CNTNAP2: variants seen among roughly 807,000 people sequenced by gnomAD.
CNTNAP2 encodes contactin associated protein 2, also known as contactin-associated protein-like 2.
Under a neutral mutation model 155.2 loss-of-function variants are expected in CNTNAP2, and 98 were observed. The ratio of observed to expected loss-of-function variants is 0.63; its 90% CI spans 0.54 to 0.75. The LOEUF (loss-of-function observed/expected upper bound fraction) is 0.75. Ranked by LOEUF, CNTNAP2 falls within the 30% of genes least tolerant of loss-of-function variation. The pLI is 0.00. For synonymous variants in CNTNAP2, 651 were observed against 631.2 expected (o/e 1.03, Z -0.47); for missense variants, 1,727 against 1,688.1 (o/e 1.02, Z -0.40).
intron 1 of CNTNAP2, among the ~76,000 whole-genome samples, chr7:146,670,225 GAAC>G (rs1800278361): frequency 6.6e-6 from 1 of 152,096 alleles, no homozygotes; most frequent in Non-Finnish European, 1.5e-5. Flanking sequence ...CATCTGCTAA[GAAC>G]ATAGCATTAG....
At chr7:146,720,184 G>T (rs1162221434) in intron 1 of CNTNAP2, among the ~76,000 whole-genome samples, 1 of 152,062 alleles carries the variant, frequency 6.6e-6, no homozygotes, top group East Asian at 1.9e-4. Context: ...GTCCACAAAG[G>T]ACTATGCCTC....
chr7:147,027,803 G>C (rs1798951439), intron 3 of CNTNAP2, among the ~76,000 whole-genome samples: 1 of 152,194 alleles, frequency 6.6e-6, no homozygotes, highest in South Asian at 2.1e-4. Flanking sequence ...TTGTGAATGT[G>C]AGTGAGGAAG....
intron 3 of CNTNAP2, among the ~76,000 whole-genome samples, chr7:146,933,751 A>G: frequency 6.6e-6 from 1 of 151,778 alleles, no homozygotes; most frequent in East Asian, 1.9e-4. Flanking sequence ...AGAAAAAAAA[A>G]CAAACAACCC....
intron 1 of CNTNAP2, among the ~76,000 whole-genome samples, chr7:146,254,019 G>A (rs545105079): frequency 9.9e-5 from 15 of 151,958 alleles, no homozygotes; most frequent in Non-Finnish European, 2.2e-4. Flanking sequence ...CTGTGATCAT[G>A]CCACTGAACT....
chr7:148,302,698 C>T (rs1437301008), intron 21 of CNTNAP2, among the ~76,000 whole-genome samples: 3 of 152,226 alleles, frequency 2.0e-5, no homozygotes, highest in South Asian at 2.1e-4. Flanking sequence ...TCGCTTCTCT[C>T]GCCTGCCTAC....
intron 2 of CNTNAP2, among the ~76,000 whole-genome samples, chr7:146,800,352 G>T (rs1161846507): frequency 1.3e-5 from 2 of 152,290 alleles, no homozygotes; most frequent in Non-Finnish European, 1.5e-5. Flanking sequence ...GGCACTGCGT[G>T]CCAAGCTGCC....
At chr7:148,110,667 AGGAACC>A (rs1804328463) in intron 15 of CNTNAP2, among the ~76,000 whole-genome samples, 2 of 152,178 alleles carry the variant, frequency 1.3e-5, no homozygotes, top group South Asian at 4.1e-4. Flanking sequence ...CAAGAGGCCC[AGGAACC>A]GGAGGCAGGC....
intron 4 of CNTNAP2, among the ~76,000 whole-genome samples, chr7:147,072,102 T>C (rs778515066): frequency 1.2e-4 from 18 of 152,178 alleles, no homozygotes; most frequent in Admixed American, 5.2e-4. Flanking sequence ...GAGGGAGAAC[T>C]TCTCCAGGGA....
At chr7:147,142,818 C>T (rs1445987088) in intron 8 of CNTNAP2, among the ~76,000 whole-genome samples, 1 of 152,110 alleles carries the variant, frequency 6.6e-6, no homozygotes, top group African/African-American at 2.4e-5. Context: ...AAACTATGCT[C>T]CACTGGAGCA....
In CNTNAP2 at chr7:147,884,220, G is replaced by A. The variant is rs78562696; in HGVS notation, c.2099-19345G>A. ...AAGATGGCAGACCGGCTGGAACAGC[G>A]TGAGCAAAAGCCTTGAACAATGAAA... On this transcript the variant is annotated intron_variant, in intron 13 of 23. Transcript: ENST00000361727. 9.9e-3 allele frequency among the ~76,000 whole-genome samples: 1,502 copies of A among 152,274 alleles called. 29 individuals carry two copies. The highest frequency in any genetic ancestry group is 0.034 in the African/African-American group (1,398 of 41,558).
chr7:146,822,870 T>C lies in CNTNAP2; in HGVS notation c.209-16841T>C, dbSNP rs1803317327. Among the ~76,000 whole-genome samples, 4 of 149,596 alleles carry C rather than the reference T, an allele frequency of 2.7e-5. No homozygotes were observed. In the Admixed American group the frequency reaches 2.7e-4, roughly 10 times the overall value. ...TCTTCAGCATATTTAAATGTAAATA[T>C]ACTCATTCTTCAGCATATTTACATG... On this transcript the variant is annotated intron_variant, in intron 2 of 23. Coordinates refer to ENST00000361727, the MANE Select transcript of CNTNAP2 (RefSeq NM_014141.6).
intron 3 of CNTNAP2, among the ~76,000 whole-genome samples, chr7:146,884,247 G>A (rs191795813): frequency 1.8e-4 from 28 of 152,064 alleles, no homozygotes; most frequent in African/African-American, 5.3e-4. Context: ...TGATCCCCAC[G>A]TTTGGTTGAA....
In CNTNAP2 at chr7:146,721,889, A is replaced by ATATTTTTTT; in HGVS notation, c.98-52381_98-52380insATTTTTTTT. On this transcript the variant is annotated intron_variant, in intron 1 of 23. Coordinates refer to ENST00000361727, the MANE Select transcript of CNTNAP2 (RefSeq NM_014141.6). ...TGTGTGTGTGTGTATATATATATATATTTTTTTTTTTTTTTTTGAGATGGA... is the reference window on the plus strand; with the variant it reads ...TGTGTGTGTGTGTATATATATATATATATTTTTTTTTTTTTTTTTTTTTTTTGAGATGGA... Among the ~76,000 whole-genome samples the ATATTTTTTT allele has an allele frequency of 4.3e-5, 3 of 69,736 alleles. 1 individual carries two copies. Among genetic ancestry groups the ATATTTTTTT allele is most frequent in the African/African-American group, 3.8e-4 (2 of 5,258 alleles). 45.7% of individuals were successfully genotyped at this position (69,736 alleles called of 152,430 possible).
chr7:147,011,899 A>T (rs1461977169), intron 3 of CNTNAP2, among the ~76,000 whole-genome samples: 1 of 152,214 alleles, frequency 6.6e-6, no homozygotes, highest in African/African-American at 2.4e-5. Context: ...AAGAATCCAG[A>T]TAAGCCTGGC....
chr7:147,317,350 T>A (rs183116098), intron 9 of CNTNAP2, among the ~76,000 whole-genome samples: 1 of 152,358 alleles, frequency 6.6e-6, no homozygotes, highest in Admixed American at 6.5e-5. Context: ...TACTTATTTA[T>A]TTGTTTAGCA....
intron 3 of CNTNAP2, among the ~76,000 whole-genome samples, chr7:146,939,787 A>G (rs1797007728): frequency 6.6e-6 from 1 of 152,246 alleles, no homozygotes; most frequent in African/African-American, 2.4e-5. Context: ...AGCACCTACA[A>G]AAAAACTAAA....
chr7:146,638,254 G>T (rs911535386), intron 1 of CNTNAP2, among the ~76,000 whole-genome samples: 1 of 152,094 alleles, frequency 6.6e-6, no homozygotes, highest in East Asian at 1.9e-4. Flanking sequence ...AGCATTAGGA[G>T]AAATCCCTGT....
At position 146,733,556 on chromosome 7, in the gene CNTNAP2, C is replaced by T. The variant is rs530589337; in HGVS notation, c.98-40715C>T. Among the ~76,000 whole-genome samples, 3 of 152,142 alleles carry T rather than the reference C, an allele frequency of 2.0e-5. No homozygotes were observed. In the East Asian group the frequency reaches 5.8e-4, roughly 29 times the overall value. On this transcript the variant is annotated intron_variant, in intron 1 of 23. Coordinates refer to ENST00000361727, the MANE Select transcript of CNTNAP2 (RefSeq NM_014141.6). ...GCTAATTTGTTTGAACTAGTACAGT[C>T]TCATATTATAATAAGATTAAGTGAC...
chr7:147,922,372 C>G (rs193288952), intron 14 of CNTNAP2, among the ~76,000 whole-genome samples: 55 of 152,316 alleles, frequency 3.6e-4, no homozygotes, highest in Admixed American at 7.8e-4. Context: ...TGGCAGCCCT[C>G]TGAGGAGTCA....
Sources: gnomAD v4.1 joint callset for allele counts (sites outside exome capture counted in the v4.1 genomes callset) on GRCh38, gnomAD v4.1.1 for gene constraint, MANE v1.5 for transcripts, NCBI Gene and HGNC (gene_info 2026-07-23, HGNC 2026-07-21) for gene names.